Variants in CACNA2D1 observed in about 807,000 individuals in gnomAD.
CACNA2D1 encodes the protein voltage-dependent calcium channel subunit alpha-2/delta-1.
CACNA2D1 carries 53 observed loss-of-function variants against 171.5 expected under a neutral mutation model. The ratio of observed to expected loss-of-function variants is 0.31; its 90% CI spans 0.25 to 0.39. The LOEUF is 0.39. CACNA2D1 is among the 10% of genes least tolerant of loss of function. The pLI is 1.00. For synonymous variants in CACNA2D1, 442 were observed against 443.1 expected, an observed-to-expected ratio of 1.00 and a Z score of 0.03; for missense variants, 903 against 1,299.8, an observed-to-expected ratio of 0.69 and a Z score of 4.69.
chr7:82,333,562 G>A (rs1053126464), intron 3 of CACNA2D1, among the ~76,000 whole-genome samples: 1 of 151,732 alleles, frequency 6.6e-6, no homozygotes, highest in East Asian at 1.9e-4. Context: ...ACTATTACGG[G>A]AACAGCATGG....
intron 12 of CACNA2D1, chr7:82,028,354 C>T (rs1188415688): frequency 6.6e-6 from 1 of 151,806 alleles, no homozygotes; most frequent in Non-Finnish European, 1.5e-5. Context: ...TTATTGCTCA[C>T]TGACAATGTA....
chr7:82,323,561 T>G (rs1816268295), intron 3 of CACNA2D1, among the ~76,000 whole-genome samples: 1 of 152,186 alleles, frequency 6.6e-6, no homozygotes, highest in Admixed American at 6.5e-5. Flanking sequence ...GGACCCCATG[T>G]TTGGTTTCAT....
chr7:82,093,599 G>A (rs1811497850), intron 6 of CACNA2D1, among the ~76,000 whole-genome samples: 1 of 151,980 alleles, frequency 6.6e-6, no homozygotes, highest in Admixed American at 6.6e-5. Flanking sequence ...ATAAGACAAT[G>A]GCAAACTGAA....
At chr7:81,985,977 A>G (rs1796924198) in intron 21 of CACNA2D1, among the ~76,000 whole-genome samples, 1 of 152,246 alleles carries the variant, frequency 6.6e-6, no homozygotes, top group Admixed American at 6.5e-5. Flanking sequence ...TTGCCAATTA[A>G]TAAAATAAAA....
chr7:82,364,845 G>T lies in CACNA2D1; in HGVS notation c.96-15196C>A, dbSNP rs559411559. ...GGACAGAAGGGAAAGTTTATGGAAT[G>T]AATGGGCAGACAATAGGATTAATGC... On this transcript the variant is annotated intron_variant, in intron 1 of 38. Transcript: ENST00000356860. Among the ~76,000 whole-genome samples, 24 of 152,288 alleles carry T rather than the reference G, an allele frequency of 1.6e-4. No homozygotes were observed. The South Asian group carries it at 5.0e-3, about 32-fold the overall frequency.
At chr7:82,103,272 G>C (rs1380313658) in intron 6 of CACNA2D1, among the ~76,000 whole-genome samples, 1 of 152,024 alleles carries the variant, frequency 6.6e-6, no homozygotes, top group Non-Finnish European at 1.5e-5. Context: ...CTCCAGCCTG[G>C]GTGACAGAAC....
intron 3 of CACNA2D1, among the ~76,000 whole-genome samples, chr7:82,303,251 C>T (rs1043713074): frequency 6.6e-6 from 1 of 152,088 alleles, no homozygotes; most frequent in Non-Finnish European, 1.5e-5. Context: ...CCCACCTTGG[C>T]CTCTACTAAA....
chr7:82,322,495 C>T (rs79509776), intron 3 of CACNA2D1, among the ~76,000 whole-genome samples: 2,315 of 150,388 alleles, frequency 0.015, 44 homozygotes, highest in Middle Eastern at 0.066. Context: ...GACATGGTAG[C>T]ATATGTCTCG....
At position 81,947,426 on chromosome 7, in the gene CACNA2D1, T is replaced by TTCAA. The variant is rs369054952; in HGVS notation, c.*2962_*2965dup. On this transcript the variant is annotated 3_prime_UTR_variant, in exon 39 of 39. Transcript: ENST00000356860. ...TATAGGCCCAGGACCTAAAAATCTC[T>TTCAA]TCAATCAAACTTGCTAACTATGTCA... 11 of 151,880 alleles carry TTCAA rather than the reference T, an allele frequency of 7.2e-5. No individual in the cohort carries two copies. Among genetic ancestry groups the TTCAA allele is most frequent in the African/African-American group, 2.2e-4 (9 of 41,422 alleles). The allele number at this position is 151,880 out of a possible 1,614,324, so 9.4% of individuals were successfully genotyped here.
At chr7:82,318,009 T>A (rs1297367849) in intron 3 of CACNA2D1, among the ~76,000 whole-genome samples, 1 of 151,850 alleles carries the variant, frequency 6.6e-6, no homozygotes, top group African/African-American at 2.4e-5. Flanking sequence ...CCTTTAATTG[T>A]GTAAGAGGTC....
intron 3 of CACNA2D1, among the ~76,000 whole-genome samples, chr7:82,261,472 TAA>T (rs1807094151): frequency 6.6e-6 from 1 of 152,192 alleles, no homozygotes; most frequent in Admixed American, 6.5e-5. Flanking sequence ...CTTTCCTTAG[TAA>T]AGTCTGCTTT....
intron 3 of CACNA2D1, among the ~76,000 whole-genome samples, chr7:82,293,054 A>AT (rs920374245): frequency 6.6e-6 from 1 of 151,548 alleles, no homozygotes; most frequent in African/African-American, 2.4e-5. Context: ...TTTATCTTCT[A>AT]TTTTTTATTT....
chr7:82,427,220 AAGAG>A (rs1829276796), intron 1 of CACNA2D1, among the ~76,000 whole-genome samples: 1 of 152,174 alleles, frequency 6.6e-6, no homozygotes, highest in South Asian at 2.1e-4. Context: ...AAATGTTTAA[AAGAG>A]AGGAAAACAT....
In CACNA2D1 at chr7:82,263,525, CT is replaced by C. The variant is rs573292708; in HGVS notation, c.294+71609del. 5.0e-4 allele frequency among the ~76,000 whole-genome samples: 76 copies of C among 152,190 alleles called. No homozygotes were observed. In the East Asian group the frequency reaches 0.013, roughly 26 times the overall value. On this transcript the variant is annotated intron_variant, in intron 3 of 38. Transcript: ENST00000356860. ...GGAAAGATATGACATACCTCTGCCCCTATAACCCTATCCACAGAACTAACTC... is the reference window on the plus strand; with the variant it reads ...GGAAAGATATGACATACCTCTGCCCCATAACCCTATCCACAGAACTAACTC...
intron 1 of CACNA2D1, among the ~76,000 whole-genome samples, chr7:82,386,784 T>A (rs1824455533): frequency 6.8e-6 from 1 of 147,764 alleles, no homozygotes; most frequent in Non-Finnish European, 1.5e-5. Context: ...ATAAATAAAA[T>A]AACTAATACT....
At chr7:82,208,521 C>T (rs889972172) in intron 3 of CACNA2D1, among the ~76,000 whole-genome samples, 4 of 152,002 alleles carry the variant, frequency 2.6e-5, no homozygotes, top group African/African-American at 9.7e-5. Context: ...TGTTTTTAAA[C>T]AAAAATAAAT....
chr7:81,983,951 C>T (rs371968449), intron 22 of CACNA2D1, among the ~76,000 whole-genome samples: 1 of 152,030 alleles, frequency 6.6e-6, no homozygotes, highest in East Asian at 1.9e-4. Flanking sequence ...CGGCAGTGTG[C>T]AAAGGATATG....
chr7:82,273,784 G>A (rs532058303), intron 3 of CACNA2D1, among the ~76,000 whole-genome samples: 4 of 152,226 alleles, frequency 2.6e-5, no homozygotes, highest in African/African-American at 7.2e-5. Context: ...ATGTATTTGC[G>A]CCTGCATACA....
chr7:82,016,135 A>T (rs1294442819), intron 12 of CACNA2D1, among the ~76,000 whole-genome samples: 2 of 152,166 alleles, frequency 1.3e-5, no homozygotes, highest in African/African-American at 4.8e-5. Flanking sequence ...TTAATTCATC[A>T]GTTAGGTCAT....
Sources: allele counts gnomAD v4.1 joint callset (sites outside exome capture counted in the v4.1 genomes callset), GRCh38; gene constraint gnomAD v4.1.1; transcripts MANE v1.5; gene names NCBI Gene and HGNC (gene_info 2026-07-23, HGNC 2026-07-21).